Variants in GSK3B observed in about 807,000 individuals in gnomAD.
The protein encoded by GSK3B is glycogen synthase kinase-3 beta.
In GSK3B, 15 loss-of-function variants were observed where a neutral mutation model predicts 56.4. The observed-to-expected ratio is 0.27, with a 90% CI of 0.18 to 0.41. The LOEUF (loss-of-function observed/expected upper bound fraction) is 0.41. Among genes scored for constraint, GSK3B ranks in the 10% least tolerant of loss-of-function variants. The pLI, the probability that GSK3B is intolerant of heterozygous loss-of-function variation, is 1.00. For missense variants in GSK3B, 300 were observed against 513.4 expected (o/e 0.58, Z 4.02); for synonymous variants, 181 against 188.9 (o/e 0.96, Z 0.34).
chr3:119,917,449 T>A (rs1446827875), intron 4 of GSK3B, among the ~76,000 whole-genome samples: 2 of 152,140 alleles, frequency 1.3e-5, no homozygotes, highest in Admixed American at 6.5e-5. Context: ...TAACATTTTT[T>A]AAAAACTTCA....
intron 1 of GSK3B, among the ~76,000 whole-genome samples, chr3:120,033,049 C>T (rs2057991632): frequency 6.6e-6 from 1 of 152,196 alleles, no homozygotes; most frequent in African/African-American, 2.4e-5. Flanking sequence ...CAGTAACCTA[C>T]TTTCTGTCTA....
chr3:119,974,173 T>A (rs1482715415), intron 2 of GSK3B, among the ~76,000 whole-genome samples: 1 of 152,214 alleles, frequency 6.6e-6, no homozygotes, highest in African/African-American at 2.4e-5. Context: ...TCACACACTC[T>A]AGGAAAAGTC....
chr3:120,008,341 A>T (rs1026631928), intron 1 of GSK3B, among the ~76,000 whole-genome samples: 4 of 152,262 alleles, frequency 2.6e-5, no homozygotes, highest in African/African-American at 9.6e-5. Flanking sequence ...CTTTCTTCAC[A>T]GAATTGGAAA....
In GSK3B at chr3:119,916,181, T is replaced by C. The variant is rs201107306; in HGVS notation, c.478-7A>G. 68 of 1,585,248 alleles carry C rather than the reference T, an allele frequency of 4.3e-5. No homozygotes were observed. Among genetic ancestry groups the C allele is most frequent in the Non-Finnish European group, 5.5e-5 (63 of 1,154,812 alleles). On this transcript the variant is annotated splice_region_variant and splice_polypyrimidine_tract_variant and intron_variant, in intron 4 of 10. Transcript: ENST00000264235. ...ACAGCTGATACATATACAACTGGAA[T>C]AGATAGTAGAAATTAATTAAATACT...
chr3:119,826,591 A>C lies in GSK3B; in HGVS notation c.*197T>G. On this transcript the variant is annotated 3_prime_UTR_variant, in exon 11 of 11. Coordinates refer to ENST00000264235, the MANE Select transcript of GSK3B (RefSeq NM_001146156.2). ...CCCCCTGGATCTCCCTCAAAGTGAGAATACAATGAAATTGGTTTGTATTTA... is the reference window on the plus strand; with the variant it reads ...CCCCCTGGATCTCCCTCAAAGTGAGCATACAATGAAATTGGTTTGTATTTA... 1.8e-6 allele frequency: 1 copy of C among 549,604 alleles called. No homozygotes were observed. The highest frequency in any genetic ancestry group is 3.5e-6 in the Non-Finnish European group (1 of 288,700). The allele number at this position is 549,604 out of a possible 1,614,324, so 34.0% of individuals were successfully genotyped here. A position where few individuals can be genotyped will look rare whatever the true frequency, so the allele number is the denominator to read the frequency against.
At chr3:119,848,309 A>T (rs1210204144) in intron 9 of GSK3B, among the ~76,000 whole-genome samples, 1 of 152,216 alleles carries the variant, frequency 6.6e-6, no homozygotes, top group East Asian at 1.9e-4. Context: ...TCACAGTTTG[A>T]AGGAACAATC....
intron 1 of GSK3B, among the ~76,000 whole-genome samples, chr3:120,004,478 ACCCCTGTGTAGCCTGACTGGGAGATATCT>A (rs1433591600): frequency 6.6e-6 from 1 of 151,920 alleles, no homozygotes; most frequent in Non-Finnish European, 1.5e-5. Context: ...TGGTTCCCTG[ACCCCTGTGTAGCCTGACTGGGAGATATCT>A]CCCAGTAATG....
At chr3:119,975,341 G>A (rs534973393) in intron 2 of GSK3B, among the ~76,000 whole-genome samples, 173 of 152,104 alleles carry the variant, frequency 1.1e-3, no homozygotes, top group Non-Finnish European at 2.2e-3. Flanking sequence ...CAAATACTTG[G>A]GAGGCTGGGG....
chr3:120,014,639 A>T (rs573914998), intron 1 of GSK3B, among the ~76,000 whole-genome samples: 10 of 152,328 alleles, frequency 6.6e-5, no homozygotes, highest in African/African-American at 2.4e-4. Context: ...TTCATGTGAT[A>T]AAAATCTTTC....
intron 7 of GSK3B, among the ~76,000 whole-genome samples, chr3:119,889,384 G>A (rs886104266): frequency 9.2e-5 from 14 of 152,150 alleles, no homozygotes; most frequent in Non-Finnish European, 1.5e-4. Flanking sequence ...ATTATAACAT[G>A]TAGAATTAAA....
chr3:119,866,770 ACTTTAAACAT>A (rs2056189240), intron 8 of GSK3B: 1 of 596,562 alleles, frequency 1.7e-6, no homozygotes, highest in African/African-American at 1.9e-5. Flanking sequence ...ACAGTTATAA[ACTTTAAACAT>A]CAGTCTTCAC....
chr3:120,002,536 A>G (rs1401007812), intron 1 of GSK3B, among the ~76,000 whole-genome samples: 2 of 152,032 alleles, frequency 1.3e-5, no homozygotes, highest in Non-Finnish European at 2.9e-5. Context: ...ACGCGGTTTC[A>G]CCATGTTGGC....
At chr3:119,856,521 T>C (rs1235511789) in intron 9 of GSK3B, among the ~76,000 whole-genome samples, 2 of 152,208 alleles carry the variant, frequency 1.3e-5, no homozygotes, top group Non-Finnish European at 2.9e-5. Flanking sequence ...ATAGATAATT[T>C]AGAGCCTAAA....
chr3:119,843,329 G>T lies in GSK3B; in HGVS notation c.1121C>A (p.Ala374Asp). The T allele has an allele frequency of 6.2e-7, 1 of 1,608,474 alleles. No individual in the cohort carries two copies. Among genetic ancestry groups the T allele is most frequent in the Non-Finnish European group, 8.5e-7 (1 of 1,175,464 alleles). The change falls in exon 10 of 11, where the codon GCT becomes GAT. Residue 374 changes from alanine (A) to aspartate (D), a missense_variant. This residue lies in a region of GSK3B where 88 missense variants were observed against 92.7 expected (regional missense o/e 0.95). Coordinates refer to ENST00000264235, the MANE Select transcript of GSK3B (RefSeq NM_001146156.2). ...AGCATGAGGAGGAATAAGGATGGTA[G>T]CCAGAGGTGGATTACTTGACAGTTC... is the stretch of plus-strand genomic sequence containing the variant. ...TQELSSNPPL[A>D]TILIPPHARI... is the part of the protein sequence containing the mutation.
chr3:120,060,374 G>C (rs554076604), intron 1 of GSK3B, among the ~76,000 whole-genome samples: 1 of 152,296 alleles, frequency 6.6e-6, no homozygotes, highest in African/African-American at 2.4e-5. Context: ...AGACAGACCA[G>C]ATACATTAGC....
chr3:119,941,678 C>T (rs1404392665), intron 3 of GSK3B, among the ~76,000 whole-genome samples: 1 of 152,078 alleles, frequency 6.6e-6, no homozygotes, highest in Non-Finnish European at 1.5e-5. Flanking sequence ...TTAATAAACA[C>T]AATAATAGGT....
chr3:120,021,082 C>T (rs1443426951), intron 1 of GSK3B, among the ~76,000 whole-genome samples: 1 of 152,158 alleles, frequency 6.6e-6, no homozygotes, highest in Non-Finnish European at 1.5e-5. Flanking sequence ...AAGATGCCCT[C>T]TCCATACCAT....
chr3:120,092,028 T>C lies in GSK3B; in HGVS notation c.88+1319A>G, dbSNP rs565837523. Among the ~76,000 whole-genome samples, 8 of 152,302 alleles carry C rather than the reference T, an allele frequency of 5.3e-5. No individual in the cohort carries two copies. In the East Asian group the frequency reaches 1.5e-3, roughly 29 times the overall value. ...GTGGGTTCTTAAAATCTCAGTTCTT[T>C]AGTTCTCTCAGTTCTTCTAGGCAAC... On this transcript the variant is annotated intron_variant, in intron 1 of 10. Transcript: ENST00000264235.
intron 8 of GSK3B, among the ~76,000 whole-genome samples, chr3:119,873,493 C>T (rs1260039326): frequency 6.6e-6 from 1 of 152,108 alleles, no homozygotes; most frequent in African/African-American, 2.4e-5. Flanking sequence ...CTCCTGTTTA[C>T]CTGCCCTCCA....
Sources: gnomAD v4.1 joint callset for allele counts (sites outside exome capture counted in the v4.1 genomes callset) on GRCh38, gnomAD v4.1.1 for gene constraint, gnomAD v4.1.1 regional missense constraint, MANE v1.5 for transcripts, NCBI Gene and HGNC (gene_info 2026-07-23, HGNC 2026-07-21) for gene names.